The following DAB1 variants were observed in gnomAD, a reference collection of about 807,000 sequenced individuals.
The protein encoded by DAB1 is disabled homolog 1.
A neutral mutation model predicts 64.6 loss-of-function variants in DAB1; 15 were observed. That is an observed-to-expected ratio of 0.23 (90% CI 0.16 to 0.36). The LOEUF (loss-of-function observed/expected upper bound fraction) is 0.36. DAB1 is among the 10% of genes least tolerant of loss of function. DAB1 has a pLI of 1.00. For synonymous variants in DAB1, 235 were observed against 251.9 expected (o/e 0.93, Z 0.64); for missense variants, 596 against 706.7 (o/e 0.84, Z 1.78).
intron 1 of DAB1, among the ~76,000 whole-genome samples, chr1:57,305,783 C>T (rs1001146242): frequency 3.3e-5 from 5 of 151,952 alleles, no homozygotes; most frequent in African/African-American, 4.8e-5. Context: ...TCCTGGCTAA[C>T]ATGGTGAAAC....
At chr1:57,152,235 G>C (rs1464218474) in intron 2 of DAB1, among the ~76,000 whole-genome samples, 1 of 152,184 alleles carries the variant, frequency 6.6e-6, no homozygotes, top group Non-Finnish European at 1.5e-5. Flanking sequence ...AGGGGAGGGT[G>C]CACCACATCC....
At chr1:57,452,166 CTT>C (rs78592207) in intron 7 of DAB1, among the ~76,000 whole-genome samples, 16 of 75,006 alleles carry the variant, frequency 2.1e-4, no homozygotes, top group African/African-American at 4.2e-4. Context: ...TGCACCCCCC[CTT>C]TTTTTTTTTT....
Position 58,342,107 on chromosome 1 carries a change from T to C in DAB1, n.309+1245A>G, listed in dbSNP as rs1643944142. On this transcript the variant is annotated intron_variant and non_coding_transcript_variant, in intron 4 of 20. Transcript: ENST00000485760. Reference sequence around the variant, plus strand: ...GATCTGCAAGATGACTGCCCAGCTCTGAGATTCTCTAACATTTAATTCCGA... The same window carrying C: ...GATCTGCAAGATGACTGCCCAGCTCCGAGATTCTCTAACATTTAATTCCGA... Among the ~76,000 whole-genome samples the C allele has an allele frequency of 1.3e-5, 2 of 152,208 alleles. 1 individual carries two copies. Among genetic ancestry groups the C allele is most frequent in the South Asian group, 4.1e-4 (2 of 4,838 alleles).
At chr1:57,374,749 C>G (rs1269280959) in intron 1 of DAB1, among the ~76,000 whole-genome samples, 3 of 152,124 alleles carry the variant, frequency 2.0e-5, no homozygotes, top group East Asian at 1.9e-4. Context: ...TATAAAATAC[C>G]TGGGTAGCAC....
At chr1:57,630,875 C>G (rs1645981084) in intron 7 of DAB1, among the ~76,000 whole-genome samples, 1 of 152,140 alleles carries the variant, frequency 6.6e-6, no homozygotes, top group Non-Finnish European at 1.5e-5. Flanking sequence ...AAAAGACAAA[C>G]TGATACAAAG....
At chr1:57,843,377 G>A (rs1447679994) in intron 1 of DAB1, among the ~76,000 whole-genome samples, 1 of 152,110 alleles carries the variant, frequency 6.6e-6, no homozygotes, top group African/African-American at 2.4e-5. Context: ...TTATTATCTA[G>A]TTGGGTGATT....
intron 4 of DAB1, among the ~76,000 whole-genome samples, chr1:58,179,345 C>T (rs1416257141): frequency 1.3e-5 from 2 of 152,002 alleles, no homozygotes; most frequent in Non-Finnish European, 2.9e-5. Flanking sequence ...TAACACTGGC[C>T]TCATAAAAAG....
At position 57,847,183 on chromosome 1, in the gene DAB1, C is replaced by A. The variant is rs892750964; in HGVS notation, n.88-20728G>T. On this transcript the variant is annotated intron_variant and non_coding_transcript_variant, in intron 1 of 1. Transcript: ENST00000477280. ...CTCAGTGGCCTGGCTGCCTACCTACCATTACACTTCTGTCACTATATAAGC... is the reference window on the plus strand; with the variant it reads ...CTCAGTGGCCTGGCTGCCTACCTACAATTACACTTCTGTCACTATATAAGC... 5.3e-5 allele frequency among the ~76,000 whole-genome samples: 8 copies of A among 152,120 alleles called. No homozygotes were observed. The South Asian group carries it at 1.0e-3, about 20-fold the overall frequency.
At chr1:58,537,405 T>C (rs914815668) in intron 1 of DAB1, among the ~76,000 whole-genome samples, 1 of 152,204 alleles carries the variant, frequency 6.6e-6, no homozygotes, top group Non-Finnish European at 1.5e-5. Context: ...AAATAAATAG[T>C]GCTCAGTAGC....
chr1:57,393,473 C>T (rs1558300595), intron 1 of DAB1, among the ~76,000 whole-genome samples: 1 of 152,066 alleles, frequency 6.6e-6, no homozygotes, highest in East Asian at 1.9e-4. Flanking sequence ...CAGGTGACTG[C>T]TTGAGCCCCG....
rs571946539 is a variant in DAB1 at position 57,350,168 on chromosome 1, TGTACCAA to T, written c.-136-59009_-136-59003del. On this transcript the variant is annotated intron_variant, in intron 1 of 14. Transcript: ENST00000371236. ...GCTGAGCTCTGTGATAAGTTAAATA[TGTACCAA>T]GTCATTTCATCTTCAAGTGATTTAT... 7.5e-4 allele frequency among the ~76,000 whole-genome samples: 114 copies of T among 152,306 alleles called. No individual in the cohort carries two copies. In the East Asian group the frequency reaches 0.015, roughly 20 times the overall value.
Position 57,015,045 on chromosome 1 carries a change from A to C in DAB1, c.1282T>G (p.Ser428Ala). The C allele has an allele frequency of 6.2e-7, 1 of 1,614,036 alleles. No individual in the cohort carries two copies. The highest frequency in any genetic ancestry group is 8.5e-7 in the Non-Finnish European group (1 of 1,179,998). ...FQMAQPPPVP[S>A]RKPDQPSLTC... Reference sequence around the variant, plus strand: ...AGGGAGGGCTGGTCGGGTTTGCGGGAGGGCACGGGCGGAGGCTGGGCCATC... The same window carrying C: ...AGGGAGGGCTGGTCGGGTTTGCGGGCGGGCACGGGCGGAGGCTGGGCCATC... Residue 428 changes from serine (S) to alanine (A), a missense_variant, in exon 12 of 15, where the codon TCC becomes GCC. Transcript: ENST00000371236.
intron 7 of DAB1, among the ~76,000 whole-genome samples, chr1:57,469,054 C>CTGCAAT (rs1687052967): frequency 6.6e-6 from 1 of 152,162 alleles, no homozygotes; most frequent in Admixed American, 6.6e-5. Flanking sequence ...AGAACTCTGT[C>CTGCAAT]TGCAAATTCT....
intron 3 of DAB1, among the ~76,000 whole-genome samples, chr1:58,451,145 C>T (rs1012198216): frequency 6.6e-6 from 1 of 152,082 alleles, no homozygotes; most frequent in Non-Finnish European, 1.5e-5. Context: ...GGTGGAATGC[C>T]ATGATGCAAT....
intron 6 of DAB1, among the ~76,000 whole-genome samples, chr1:57,777,853 T>C (rs1649889770): frequency 6.6e-6 from 1 of 152,138 alleles, no homozygotes; most frequent in Non-Finnish European, 1.5e-5. Context: ...TGTTGACCAC[T>C]GTAAATATTT....
chr1:58,448,437 G>T (rs1645096221), intron 3 of DAB1, among the ~76,000 whole-genome samples: 1 of 152,184 alleles, frequency 6.6e-6, no homozygotes, highest in South Asian at 2.1e-4. Flanking sequence ...TGCACAACTT[G>T]CCTCACACAA....
intron 1 of DAB1, among the ~76,000 whole-genome samples, chr1:57,409,345 G>A (rs910841459): frequency 6.6e-6 from 1 of 152,160 alleles, no homozygotes; most frequent in Non-Finnish European, 1.5e-5. Flanking sequence ...AGCTGGTATG[G>A]ATCTCCTGGC....
intron 2 of DAB1, among the ~76,000 whole-genome samples, chr1:58,506,854 C>T (rs1645997699): frequency 6.6e-6 from 1 of 151,936 alleles, no homozygotes; most frequent in Admixed American, 6.6e-5. Flanking sequence ...AATTCATATA[C>T]CTTATAAAAC....
intron 4 of DAB1, among the ~76,000 whole-genome samples, chr1:58,294,794 G>A (rs759617909): frequency 3.3e-5 from 5 of 151,742 alleles, no homozygotes; most frequent in South Asian, 4.2e-4. Flanking sequence ...GGTAGAGGAT[G>A]CAAAAATGCC....
Sources: gnomAD v4.1 joint callset for allele counts (sites outside exome capture counted in the v4.1 genomes callset) on GRCh38, gnomAD v4.1.1 for gene constraint, MANE v1.5 for transcripts, NCBI Gene and HGNC (gene_info 2026-07-23, HGNC 2026-07-21) for gene names.